Variants in KIF6 observed in about 807,000 individuals in gnomAD.
KIF6 encodes the protein kinesin family member 6, also known as kinesin-like protein KIF6.
In KIF6, 106 loss-of-function variants were observed where a neutral mutation model predicts 112.7. That is an observed-to-expected ratio of 0.94 (90% CI 0.80 to 1.11). The LOEUF (loss-of-function observed/expected upper bound fraction) is 1.11, where lower values mean the gene tolerates loss of function less well. Ranked by LOEUF, KIF6 falls within the 50% of genes least tolerant of loss-of-function variation. The probability of loss-of-function intolerance (pLI) is 0.00; values close to 1 mark genes in which losing one functional copy is unlikely to be tolerated. For missense variants in KIF6, 929 were observed against 964.0 expected, an observed-to-expected ratio of 0.96 and a Z score of 0.48; for synonymous variants, 339 against 339.9, an observed-to-expected ratio of 1.00 and a Z score of 0.03.
intron 13 of KIF6, among the ~76,000 whole-genome samples, chr6:39,472,259 T>C (rs1290705664): frequency 1.3e-5 from 2 of 152,176 alleles, no homozygotes; most frequent in African/African-American, 4.8e-5. Flanking sequence ...CCCTTCTCTG[T>C]GTCTGTTCCT....
At chr6:39,636,595 C>T (rs1219987973) in intron 4 of KIF6, among the ~76,000 whole-genome samples, 1 of 151,920 alleles carries the variant, frequency 6.6e-6, no homozygotes, top group Non-Finnish European at 1.5e-5. Flanking sequence ...TAGTCTAATC[C>T]AATGTTTCTA....
intron 7 of KIF6, among the ~76,000 whole-genome samples, chr6:39,593,951 A>G (rs1344370362): frequency 1.3e-5 from 2 of 152,200 alleles, no homozygotes; most frequent in African/African-American, 4.8e-5. Context: ...GTCTCCCTGC[A>G]CTAGACCATG....
intron 3 of KIF6, among the ~76,000 whole-genome samples, chr6:39,686,266 CT>C (rs1002466871): frequency 2.6e-5 from 4 of 152,138 alleles, no homozygotes; most frequent in African/African-American, 9.7e-5. Context: ...CCACATTGAT[CT>C]TTTTTTGGCA....
intron 13 of KIF6, among the ~76,000 whole-genome samples, chr6:39,517,002 C>T (rs1777121774): frequency 6.6e-6 from 1 of 152,166 alleles, no homozygotes. Flanking sequence ...CATTCTCCTT[C>T]CTCCGACACT....
At chr6:39,368,308 T>C (rs1765726701) in intron 16 of KIF6, among the ~76,000 whole-genome samples, 1 of 152,176 alleles carries the variant, frequency 6.6e-6, no homozygotes, top group Non-Finnish European at 1.5e-5. Flanking sequence ...TTGTCTTGTA[T>C]AATCTACAAC....
rs770580527 is a variant in KIF6, at chr6:39,342,813, C to T, written c.2428+896G>A. 28 of 985,266 alleles carry T rather than the reference C, an allele frequency of 2.8e-5. No homozygotes were observed. The highest frequency in any genetic ancestry group is 5.2e-4 in the Middle Eastern group (1 of 1,914). The allele number at this position is 985,266 out of a possible 1,614,324, so 61.0% of individuals were successfully genotyped here. ...CAGGACCAAGGCCGGCTCTCAGTTG[C>T]GGCGCTCCATCCATGCACAAACCTC... On this transcript the variant is annotated intron_variant, in intron 22 of 22. Transcript: ENST00000287152. The surrounding 1 kb of genome is among the most constrained non-coding windows in gnomAD (Gnocchi z 4.7).
At chr6:39,416,252 G>A (rs1201693397) in intron 15 of KIF6, among the ~76,000 whole-genome samples, 1 of 152,236 alleles carries the variant, frequency 6.6e-6, no homozygotes, top group Non-Finnish European at 1.5e-5. Context: ...CTAATGCCTG[G>A]ATTCTAGTAA....
chr6:39,402,986 C>T (rs1306265996), intron 15 of KIF6, among the ~76,000 whole-genome samples: 2 of 152,140 alleles, frequency 1.3e-5, no homozygotes, highest in Non-Finnish European at 2.9e-5. Flanking sequence ...TAATTCACCA[C>T]AACCTGTATC....
intron 3 of KIF6, among the ~76,000 whole-genome samples, chr6:39,713,528 A>T (rs987005455): frequency 1.1e-4 from 16 of 152,270 alleles, no homozygotes; most frequent in Admixed American, 9.8e-4. Context: ...TAGTGGAAGG[A>T]AAACCCAGGC....
intron 13 of KIF6, among the ~76,000 whole-genome samples, chr6:39,462,300 A>G (rs373295602): frequency 7.2e-5 from 11 of 152,328 alleles, no homozygotes; most frequent in African/African-American, 2.6e-4. Context: ...TTAAATGTGA[A>G]CATTATGTAA....
rs779709911 is a variant in KIF6, at chr6:39,343,315, G to A, written c.2428+394C>T. 9.3e-6 allele frequency: 12 copies of A among 1,294,728 alleles called. No homozygotes were observed. In the African/African-American group the frequency reaches 1.4e-4, roughly 15 times the overall value. The allele number at this position is 1,294,728 out of a possible 1,614,324, so 80.2% of individuals were successfully genotyped here. ...GCAAGAACCACACTCTGATAGGGGA[G>A]TGAGACTTTAAGCCAGGGGTTCAAC... On this transcript the variant is annotated intron_variant, in intron 22 of 22. Transcript: ENST00000287152. This position sits in a 1 kb window ranked among gnomAD's most constrained non-coding sequence, Gnocchi z 4.1.
At chr6:39,507,744 C>T (rs1487891464) in intron 13 of KIF6, among the ~76,000 whole-genome samples, 1 of 148,880 alleles carries the variant, frequency 6.7e-6, no homozygotes, top group East Asian at 2.0e-4. Flanking sequence ...TCCTTCCTTC[C>T]TTCCATCACA....
chr6:39,597,351 T>C (rs866182021), intron 6 of KIF6, among the ~76,000 whole-genome samples: 1 of 152,102 alleles, frequency 6.6e-6, no homozygotes, highest in Non-Finnish European at 1.5e-5. Context: ...AGAATAACAA[T>C]AAAAGGGGAC....
At chr6:39,557,983 C>T (rs977638389) in intron 10 of KIF6, among the ~76,000 whole-genome samples, 8 of 150,378 alleles carry the variant, frequency 5.3e-5, no homozygotes, top group East Asian at 3.9e-4. Context: ...ACAATGAATG[C>T]GAATTGTTCA....
intron 10 of KIF6, among the ~76,000 whole-genome samples, chr6:39,562,258 A>G (rs1258270906): frequency 3.3e-5 from 5 of 152,220 alleles, no homozygotes; most frequent in Admixed American, 1.3e-4. Context: ...AAATCAGTCA[A>G]AGACAGTGGT....
At chr6:39,561,438 G>A (rs1243476351) in intron 10 of KIF6, among the ~76,000 whole-genome samples, 4 of 151,272 alleles carry the variant, frequency 2.6e-5, no homozygotes, top group East Asian at 3.9e-4. Flanking sequence ...TGCAACCTCC[G>A]CCTTCTGGGT....
intron 16 of KIF6, among the ~76,000 whole-genome samples, chr6:39,365,074 C>T: frequency 6.6e-6 from 1 of 152,180 alleles, no homozygotes; most frequent in East Asian, 1.9e-4. Context: ...GCTGAGAGGT[C>T]CTTATTCTGT....
At chr6:39,654,854 C>A (rs913655800) in intron 3 of KIF6, among the ~76,000 whole-genome samples, 10 of 152,222 alleles carry the variant, frequency 6.6e-5, no homozygotes, top group African/African-American at 2.2e-4. Flanking sequence ...TTTTTATACT[C>A]TAAGTCTGTA....
At chr6:39,696,130 G>A (rs1450605854) in intron 3 of KIF6, among the ~76,000 whole-genome samples, 2 of 152,134 alleles carry the variant, frequency 1.3e-5, no homozygotes, top group African/African-American at 4.8e-5. Context: ...ATTCCAAAAA[G>A]GGGGAGTGGA....
Sources: allele counts gnomAD v4.1 joint callset (sites outside exome capture counted in the v4.1 genomes callset), GRCh38; gene constraint gnomAD v4.1.1; non-coding constraint Gnocchi (gnomAD v3.1); transcripts MANE v1.5; gene names NCBI Gene and HGNC (gene_info 2026-07-23, HGNC 2026-07-21).